Variants in TSNAX observed in about 807,000 individuals in gnomAD.
TSNAX encodes the protein translin-associated protein X.
Under a neutral mutation model 33.0 loss-of-function variants are expected in TSNAX, and 12 were observed. The ratio of observed to expected loss-of-function variants is 0.36; its 90% CI spans 0.23 to 0.59. The LOEUF (loss-of-function observed/expected upper bound fraction) is 0.59, where lower values mean the gene tolerates loss of function less well. Among genes scored for constraint, TSNAX ranks in the 20% least tolerant of loss-of-function variants. The pLI, the probability that TSNAX is intolerant of heterozygous loss-of-function variation, is 0.74. For synonymous variants in TSNAX, 110 were observed against 117.2 expected (o/e 0.94, Z 0.40); for missense variants, 267 against 341.3 (o/e 0.78, Z 1.72).
intron 4 of TSNAX, 35 bp from the exon 5 acceptor site, chr1:231,561,093 C>T: frequency 6.3e-7 from 1 of 1,595,876 alleles, no homozygotes; most frequent in Non-Finnish European, 8.5e-7. Flanking sequence ...TAATTAAGTG[C>T]TTATTCTTAG....
At position 231,560,406 on chromosome 1, in the gene TSNAX, T is replaced by TCCCCCCC. The variant is rs869062590; in HGVS notation, c.368-716_368-710dup. ...AATTATGGAATAGGCTTTTCTTTTC[T>TCCCCCCC]CCCCCCCCCCCCTTTTTTTTTTTTT... On this transcript the variant is annotated intron_variant, in intron 4 of 5. Coordinates refer to ENST00000366639, the MANE Select transcript of TSNAX (RefSeq NM_005999.3). 1.1e-3 allele frequency among the ~76,000 whole-genome samples: 35 copies of TCCCCCCC among 32,056 alleles called. 3 individuals carry two copies. The highest frequency in any genetic ancestry group is 1.5e-3 in the Non-Finnish European group (26 of 17,742). The allele number at this position is 32,056 out of a possible 152,430, so 21.0% of individuals were successfully genotyped here. A position where few individuals can be genotyped will look rare whatever the true frequency, so the allele number is the denominator to read the frequency against.
chr1:231,557,921 A>G (rs1660793192), intron 4 of TSNAX, among the ~76,000 whole-genome samples: 1 of 152,178 alleles, frequency 6.6e-6, no homozygotes, highest in Non-Finnish European at 1.5e-5. Flanking sequence ...TACAACATAC[A>G]GACTTATTAA....
intron 3 of TSNAX, among the ~76,000 whole-genome samples, chr1:231,542,177 G>A (rs1659615748): frequency 6.6e-6 from 1 of 152,134 alleles, no homozygotes; most frequent in Non-Finnish European, 1.5e-5. Flanking sequence ...GTTGTTTAAG[G>A]AGGGAGGATA....
Position 231,560,762 on chromosome 1 carries a change from A to T in TSNAX, c.368-366A>T, listed in dbSNP as rs1214025693. On this transcript the variant is annotated intron_variant, in intron 4 of 5. Transcript: ENST00000366639. ...TCCTAATTACTTAAACTCTTAAAAA[A>T]ATTTTTTTTCTGGCTGGGCACAGTG... is the stretch of plus-strand genomic sequence containing the variant. Among the ~76,000 whole-genome samples the T allele has an allele frequency of 5.8e-4, 88 of 151,816 alleles. 1 individual carries two copies. The highest frequency in any genetic ancestry group is 1.2e-4 in the Non-Finnish European group (8 of 67,964).
chr1:231,544,449 G>A (rs1254845025), intron 4 of TSNAX, among the ~76,000 whole-genome samples: 1 of 152,138 alleles, frequency 6.6e-6, no homozygotes, highest in Non-Finnish European at 1.5e-5. Flanking sequence ...CTTAAAACTT[G>A]TATTTTAATA....
At chr1:231,561,359 C>A in intron 5 of TSNAX, 104 bp downstream of exon 5, 1 of 964,508 alleles carries the variant, frequency 1.0e-6, no homozygotes, top group Non-Finnish European at 1.5e-6. Context: ...TGGGAATGTT[C>A]TTTCTAAAGT....
At chr1:231,548,207 T>C (rs1660075513) in intron 4 of TSNAX, among the ~76,000 whole-genome samples, 1 of 152,202 alleles carries the variant, frequency 6.6e-6, no homozygotes, top group Admixed American at 6.5e-5. Flanking sequence ...ATTTTATTCT[T>C]CTCATAGTTT....
chr1:231,558,682 G>A (rs1660845471), intron 4 of TSNAX, among the ~76,000 whole-genome samples: 1 of 152,014 alleles, frequency 6.6e-6, no homozygotes, highest in South Asian at 2.1e-4. Context: ...ATCTTTAGAA[G>A]GAAATGAGAA....
chr1:231,542,705 G>A, intron 4 of TSNAX, 94 bp downstream of exon 4: 1 of 1,359,290 alleles, frequency 7.4e-7, no homozygotes, highest in Non-Finnish European at 1.0e-6. Context: ...GACACCTGAT[G>A]AAATAATAAT....
chr1:231,564,755 GA>G lies in TSNAX; in HGVS notation c.725del (p.Lys242SerfsTer5), dbSNP rs1374687908. The G allele has an allele frequency of 6.2e-7, 1 of 1,614,174 alleles. No individual in the cohort carries two copies. Among genetic ancestry groups the G allele is most frequent in the Non-Finnish European group, 8.5e-7 (1 of 1,180,040 alleles). ...ACACTGGACCTTACGAGGTTTCTAA[GA>G]AGCTGTATACCTTGAAACAAAGTTT... Reference protein sequence around the residue: ...GNTGPYEVSKKLYTLKQSLAK... With the variant: ...GNTGPYEVSKXLYTLKQSLAK... On this transcript the variant is annotated frameshift_variant, in exon 6 of 6. Coordinates refer to ENST00000366639, the MANE Select transcript of TSNAX (RefSeq NM_005999.3). LOFTEE classifies it high-confidence loss of function.
intron 4 of TSNAX, among the ~76,000 whole-genome samples, chr1:231,556,556 C>T (rs553860852): frequency 9.2e-5 from 14 of 152,202 alleles, no homozygotes; most frequent in African/African-American, 2.6e-4. Context: ...TTACATTGGG[C>T]GAGATGGAGA....
At chr1:231,560,006 G>A (rs1365919484) in intron 4 of TSNAX, among the ~76,000 whole-genome samples, 1 of 148,806 alleles carries the variant, frequency 6.7e-6, no homozygotes, top group Non-Finnish European at 1.5e-5. Context: ...TTTGCGACGA[G>A]TCTCGCTCTG....
intron 4 of TSNAX, among the ~76,000 whole-genome samples, chr1:231,549,169 A>G (rs565074522): frequency 6.6e-6 from 1 of 152,132 alleles, no homozygotes; most frequent in Non-Finnish European, 1.5e-5. Context: ...TTTAAGAATG[A>G]CTCTGATGGC....
chr1:231,547,393 T>C (rs554226022), intron 4 of TSNAX, among the ~76,000 whole-genome samples: 9 of 141,476 alleles, frequency 6.4e-5, no homozygotes, highest in South Asian at 2.3e-4. Flanking sequence ...TTTTTTCTTT[T>C]TTTTTTTTTT....
chr1:231,532,163 C>CACACACACACACACACACACAT (rs1658785902), intron 2 of TSNAX, among the ~76,000 whole-genome samples: 1 of 92,570 alleles, frequency 1.1e-5, no homozygotes, highest in African/African-American at 3.7e-5. Flanking sequence ...CACACACACA[C>CACACACACACACACACACACAT]ACACACACAC....
intron 4 of TSNAX, among the ~76,000 whole-genome samples, chr1:231,555,727 T>C (rs906301071): frequency 1.3e-5 from 2 of 152,196 alleles, no homozygotes; most frequent in Non-Finnish European, 2.9e-5. Context: ...AGTATTTGGC[T>C]TACAGAGATG....
At chr1:231,559,568 C>G (rs1285015559) in intron 4 of TSNAX, among the ~76,000 whole-genome samples, 1 of 152,034 alleles carries the variant, frequency 6.6e-6, no homozygotes, top group East Asian at 1.9e-4. Flanking sequence ...GACCTCGTGA[C>G]CCGCTGGCCT....
chr1:231,564,981 A>G lies in TSNAX; in HGVS notation c.*76A>G, dbSNP rs369810418. 12 of 1,491,842 alleles carry G rather than the reference A, an allele frequency of 8.0e-6. No individual in the cohort carries two copies. The African/African-American group carries it at 1.7e-4, about 21-fold the overall frequency. The allele number at this position is 1,491,842 out of a possible 1,614,324, so 92.4% of individuals were successfully genotyped here. A position where few individuals can be genotyped will look rare whatever the true frequency, so the allele number is the denominator to read the frequency against. ...ATTTGTAAGACTTATTTAGTATTTC[A>G]TTTAACTTTATTGTGGCTTTTACAT... On this transcript the variant is annotated 3_prime_UTR_variant, in exon 6 of 6. Coordinates refer to ENST00000366639, the MANE Select transcript of TSNAX (RefSeq NM_005999.3).
At chr1:231,529,619 C>G (rs186199808) in intron 2 of TSNAX, among the ~76,000 whole-genome samples, 1 of 152,332 alleles carries the variant, frequency 6.6e-6, no homozygotes, top group African/African-American at 2.4e-5. Context: ...ATGTCACATA[C>G]TCAAGAATTG....
Sources: gnomAD v4.1 joint callset for allele counts (sites outside exome capture counted in the v4.1 genomes callset) on GRCh38, gnomAD v4.1.1 for gene constraint, MANE v1.5 for transcripts, NCBI Gene and HGNC (gene_info 2026-07-23, HGNC 2026-07-21) for gene names.